The following SH3TC1 variants were observed in gnomAD, a reference collection of about 807,000 sequenced individuals.
SH3TC1 encodes SH3 domain and tetratricopeptide repeats 1, also known as SH3 domain and tetratricopeptide repeat-containing protein 1.
Under a neutral mutation model 117.3 loss-of-function variants are expected in SH3TC1, and 135 were observed. The ratio of observed to expected loss-of-function variants is 1.15; its 90% CI spans 1.00 to 1.33. The LOEUF is 1.33. Ranked by LOEUF, SH3TC1 falls within the 40% of genes most tolerant of loss-of-function variation. SH3TC1 has a pLI of 0.00. For missense variants in SH3TC1, 2,092 were observed against 1,794.3 expected, an observed-to-expected ratio of 1.17 and a Z score of -3.00; for synonymous variants, 898 against 816.9, an observed-to-expected ratio of 1.10 and a Z score of -1.69.
chr4:8,218,886 G>T (rs528210529), intron 8 of SH3TC1, among the ~76,000 whole-genome samples: 8 of 152,300 alleles, frequency 5.3e-5, no homozygotes, highest in Non-Finnish European at 1.0e-4. Flanking sequence ...AGCTGCCGGT[G>T]TCTGGATGGC....
At chr4:8,221,880 T>G (rs932867177) in intron 9 of SH3TC1, among the ~76,000 whole-genome samples, 4 of 152,212 alleles carry the variant, frequency 2.6e-5, no homozygotes, top group African/African-American at 9.7e-5. Context: ...CTTTTCAGTC[T>G]TTTTCTGATG....
At chr4:8,231,790 C>T (rs1016621773) in intron 12 of SH3TC1, 186 bp from the exon 13 acceptor site, 48 of 637,830 alleles carry the variant, frequency 7.5e-5, no homozygotes, top group Admixed American at 2.4e-4. Context: ...TAAAGAAGGC[C>T]GGCCTCTACC....
chr4:8,189,080 G>A (rs1193368583), intron 1 of SH3TC1, among the ~76,000 whole-genome samples: 4 of 152,276 alleles, frequency 2.6e-5, no homozygotes, highest in Admixed American at 6.5e-5. Context: ...ACTTGACTGG[G>A]CTCTGCCCCC....
At chr4:8,199,048 G>A (rs576480346), upstream of SH3TC1, among the ~76,000 whole-genome samples, 10 of 152,354 alleles carry the variant, frequency 6.6e-5, no homozygotes, top group Non-Finnish European at 1.3e-4. Context: ...CCAGCCTGGC[G>A]GGGGACTGGG....
intron 12 of SH3TC1, chr4:8,231,293 T>G (rs1192572339): frequency 6.6e-6 from 1 of 152,542 alleles, no homozygotes; most frequent in Non-Finnish European, 1.5e-5. Flanking sequence ...TGAGGCTCAT[T>G]GTGGGGCCTG....
chr4:8,217,830 C>A (rs1719445481), intron 7 of SH3TC1, among the ~76,000 whole-genome samples: 1 of 152,114 alleles, frequency 6.6e-6, no homozygotes. Context: ...CCTTTTTTTT[C>A]TGGCTGAAGG....
intron 1 of SH3TC1, among the ~76,000 whole-genome samples, chr4:8,199,905 A>T (rs1489305802): frequency 6.6e-6 from 1 of 152,154 alleles, no homozygotes; most frequent in South Asian, 2.1e-4. Flanking sequence ...CCTCTTTTCC[A>T]ACAACCAAAT....
rs778482120 is a variant in SH3TC1 at position 8,227,122 on chromosome 4, C to T, written c.1428C>T (p.Ser476=). 3.7e-6 allele frequency: 6 copies of T among 1,612,664 alleles called. No homozygotes were observed. In the South Asian group the frequency reaches 6.6e-5, roughly 18 times the overall value. The change falls in exon 12 of 18, where the codon AGC becomes AGT. Residue 476 remains serine (S), a synonymous_variant. Coordinates refer to ENST00000245105, the MANE Select transcript of SH3TC1 (RefSeq NM_018986.5). ...TCTGTGCGGCATCCAGCGACGTGAG[C>T]TTGCAGGACCCCGAGGAGCCCTCCT... ...WGLCAASSDV[S]LQDPEEPSFC...
chr4:8,192,068 C>T lies in SH3TC1; in HGVS notation c.-57+9858C>T, dbSNP rs991717570. 1.3e-4 allele frequency among the ~76,000 whole-genome samples: 20 copies of T among 151,976 alleles called. No homozygotes were observed. The highest frequency in any genetic ancestry group is 4.4e-5 in the Non-Finnish European group (3 of 67,996). On this transcript the variant is annotated intron_variant, in intron 1 of 16. Transcript: ENST00000508641. The surrounding 1 kb of genome is among the most constrained non-coding windows in gnomAD (Gnocchi z 4.1). The stretch of plus-strand genomic sequence containing the variant: ...GCAATGGCGCGATCTCGGCTCACTG[C>T]CACCTCGGCCTCCCAGGTTCAAGTG...
At chr4:8,219,922 C>T (rs978315701) in intron 9 of SH3TC1, among the ~76,000 whole-genome samples, 5 of 152,194 alleles carry the variant, frequency 3.3e-5, no homozygotes, top group Admixed American at 3.3e-4. Context: ...AGGGGAGGGT[C>T]CTTCTTGCCT....
intron 12 of SH3TC1, among the ~76,000 whole-genome samples, 193 bp downstream of exon 12, chr4:8,228,837 G>A (rs1408043055): frequency 6.6e-6 from 1 of 152,234 alleles, no homozygotes; most frequent in Non-Finnish European, 1.5e-5. Flanking sequence ...TGCCCTACTG[G>A]GGGAGCCAGC....
At chr4:8,194,666 G>A (rs58572623), upstream of SH3TC1, among the ~76,000 whole-genome samples, 968 of 152,350 alleles carry the variant, frequency 6.4e-3, 9 homozygotes, top group African/African-American at 0.022. Context: ...TCACCCTGGC[G>A]ATGGGTCACC....
chr4:8,235,889 G>A (rs1023083481), intron 15 of SH3TC1: 9 of 363,808 alleles, frequency 2.5e-5, no homozygotes, highest in South Asian at 1.7e-4. Context: ...CCAGTGGGAG[G>A]CCCAGGGCCA....
At chr4:8,233,721 A>C (rs951153703) in intron 14 of SH3TC1, among the ~76,000 whole-genome samples, 1 of 148,882 alleles carries the variant, frequency 6.7e-6, no homozygotes, top group Non-Finnish European at 1.5e-5. Context: ...TCCTTCCATT[A>C]TCCATCCATT....
At position 8,216,131 on chromosome 4, in the gene SH3TC1, G is replaced by A. The variant is rs375047951; in HGVS notation, c.502G>A (p.Ala168Thr). 2.2e-5 allele frequency: 35 copies of A among 1,613,330 alleles called. No individual in the cohort carries two copies. The highest frequency in any genetic ancestry group is 1.3e-4 in the African/African-American group (10 of 74,918). Residue 168 changes from alanine to threonine, a missense_variant, in exon 6 of 18, where the codon GCA becomes ACA. Ala to Thr is a moderately conservative substitution (Grantham distance 58). Transcript: ENST00000245105. ...CACAGGCTTCACTCATCACTGCCTGGCAAACCTGCTCATGGACCAGGCCTT... is the reference window on the plus strand; with the variant it reads ...CACAGGCTTCACTCATCACTGCCTGACAAACCTGCTCATGGACCAGGCCTT... The part of the protein sequence containing the change: ...HALGFTHHCL[A>T]NLLMDQAFWL...
Position 8,216,108 on chromosome 4 carries a change from C to T in SH3TC1, c.482-3C>T, listed in dbSNP as rs1185550885. On this transcript the variant is annotated splice_polypyrimidine_tract_variant and splice_region_variant and intron_variant, in intron 5 of 17. Coordinates refer to ENST00000245105, the MANE Select transcript of SH3TC1 (RefSeq NM_018986.5). ...CTCGGGTGACTGGGCCTGGCCTCCA[C>T]AGGCTTCACTCATCACTGCCTGGCA... The T allele has an allele frequency of 6.2e-7, 1 of 1,612,740 alleles. No individual in the cohort carries two copies. Among genetic ancestry groups the T allele is most frequent in the Non-Finnish European group, 8.5e-7 (1 of 1,179,884 alleles).
intron 12 of SH3TC1, among the ~76,000 whole-genome samples, chr4:8,230,820 T>C (rs1721128612): frequency 6.7e-6 from 1 of 150,144 alleles, no homozygotes; most frequent in Admixed American, 6.7e-5. Context: ...TTTTGCTCTG[T>C]TGCTCAGGCT....
chr4:8,237,421 G>A lies in SH3TC1; in HGVS notation c.3557-53G>A, dbSNP rs983708883. 2.8e-6 allele frequency: 4 copies of A among 1,436,772 alleles called. No homozygotes were observed. In the Admixed American group the frequency reaches 1.0e-4, roughly 36 times the overall value. 89.0% of individuals were successfully genotyped at this position (1,436,772 alleles called of 1,614,324 possible). A position where few individuals can be genotyped will look rare whatever the true frequency, so the allele number is the denominator to read the frequency against. ...AGCCAGGTGCTGCCGGGGTCTGCAT[G>A]CCTGCCCCGGGGAGCCACGTCCTCA... On this transcript the variant is annotated intron_variant, in intron 16 of 17. Coordinates refer to ENST00000245105, the MANE Select transcript of SH3TC1 (RefSeq NM_018986.5).
At chr4:8,236,727 G>A in intron 16 of SH3TC1, 2 of 355,552 alleles carry the variant, frequency 5.6e-6, no homozygotes, top group South Asian at 1.1e-4. Context: ...GTTGGTCCCT[G>A]CATGTGCCAG....
Sources: allele counts gnomAD v4.1 joint callset (sites outside exome capture counted in the v4.1 genomes callset), GRCh38; gene constraint gnomAD v4.1.1; non-coding constraint Gnocchi (gnomAD v3.1); transcripts MANE v1.5; gene names NCBI Gene and HGNC (gene_info 2026-07-23, HGNC 2026-07-21).